The following CADPS variants were observed in gnomAD, a reference collection of about 807,000 sequenced individuals.
CADPS encodes calcium-dependent secretion activator 1.
A neutral mutation model predicts 167.3 loss-of-function variants in CADPS; 57 were observed. The ratio of observed to expected loss-of-function variants is 0.34; its 90% CI spans 0.28 to 0.42. The LOEUF is 0.42. Ranked by LOEUF, CADPS falls within the 20% of genes least tolerant of loss-of-function variation. CADPS has a pLI of 1.00. For missense variants in CADPS, 1,414 were observed against 1,738.1 expected (o/e 0.81, Z 3.32); for synonymous variants, 676 against 635.3 (o/e 1.06, Z -0.96).
intron 3 of CADPS, among the ~76,000 whole-genome samples, chr3:62,691,783 G>A (rs1184143578): frequency 2.0e-5 from 3 of 151,996 alleles, no homozygotes; most frequent in Non-Finnish European, 4.4e-5. Flanking sequence ...GTCGGTGTAT[G>A]GTCAGGGGAG....
intron 4 of CADPS, among the ~76,000 whole-genome samples, chr3:62,652,750 G>A (rs1425385114): frequency 1.3e-5 from 2 of 152,056 alleles, no homozygotes; most frequent in African/African-American, 4.8e-5. Context: ...AAAGAAAGAT[G>A]CTTTCTAGAG....
intron 6 of CADPS, among the ~76,000 whole-genome samples, chr3:62,639,056 C>G (rs2066893272): frequency 6.6e-6 from 1 of 152,164 alleles, no homozygotes; most frequent in Non-Finnish European, 1.5e-5. Context: ...CTCCAGCTCA[C>G]AAACACACAC....
At chr3:62,562,905 A>G (rs950253776) in intron 9 of CADPS, among the ~76,000 whole-genome samples, 3 of 152,240 alleles carry the variant, frequency 2.0e-5, no homozygotes, top group African/African-American at 4.8e-5. Flanking sequence ...CCTGTACTGG[A>G]ACAATTGTTA....
At chr3:62,816,485 A>C (rs1197908738) in intron 1 of CADPS, among the ~76,000 whole-genome samples, 3 of 152,166 alleles carry the variant, frequency 2.0e-5, no homozygotes, top group Non-Finnish European at 4.4e-5. Context: ...ACAACAACAA[A>C]AAAATCAATG....
At chr3:62,403,259 G>A (rs1364539615) in intron 28 of CADPS, 74 bp from the exon 29 acceptor site, 13 of 951,600 alleles carry the variant, frequency 1.4e-5, no homozygotes, top group Admixed American at 7.3e-5. Context: ...AGCAGGCAAT[G>A]TTTGAGTACC....
chr3:62,592,685 G>T lies in CADPS; in HGVS notation c.1389C>A (p.Phe463Leu), dbSNP rs1235935741. The T allele has an allele frequency of 6.2e-7, 1 of 1,614,100 alleles. No individual in the cohort carries two copies. Among genetic ancestry groups the T allele is most frequent in the African/African-American group, 1.3e-5 (1 of 75,048 alleles). ...HALPAVKVKL[F>L]TESTGVLALE... ...ACGCCAGGACGCCTGTGCTCTCTGTGAACAGCTTCACCTTCACAGCTGGCA... is the reference window on the plus strand; with the variant it reads ...ACGCCAGGACGCCTGTGCTCTCTGTTAACAGCTTCACCTTCACAGCTGGCA... Residue 463 changes from phenylalanine (F) to leucine (L), a missense_variant, in exon 7 of 30, where the codon TTC becomes TTA. By Grantham distance (22) the Phe-to-Leu change is conservative. Coordinates refer to ENST00000383710, the MANE Select transcript of CADPS (RefSeq NM_003716.4).
At chr3:62,603,359 A>G (rs939370437) in intron 6 of CADPS, among the ~76,000 whole-genome samples, 9 of 152,234 alleles carry the variant, frequency 5.9e-5, no homozygotes, top group Non-Finnish European at 1.2e-4. Flanking sequence ...ATTCCATGCT[A>G]TAAACTTCAT....
chr3:62,605,042 ACT>A (rs1484549097), intron 6 of CADPS, among the ~76,000 whole-genome samples: 1 of 152,140 alleles, frequency 6.6e-6, no homozygotes, highest in African/African-American at 2.4e-5. Context: ...TAACTGGGAG[ACT>A]CTGGCTAATT....
At chr3:62,590,507 G>A (rs2085716251) in intron 7 of CADPS, among the ~76,000 whole-genome samples, 1 of 152,064 alleles carries the variant, frequency 6.6e-6, no homozygotes. Flanking sequence ...CACTTTTCTG[G>A]GTAGGGACAC....
chr3:62,724,663 C>T (rs1473252244), intron 3 of CADPS, among the ~76,000 whole-genome samples: 1 of 152,200 alleles, frequency 6.6e-6, no homozygotes, highest in Non-Finnish European at 1.5e-5. Flanking sequence ...TTACCTTCCT[C>T]ATTTAGCAAT....
At chr3:62,674,341 C>A (rs1199168769) in intron 3 of CADPS, among the ~76,000 whole-genome samples, 1 of 152,148 alleles carries the variant, frequency 6.6e-6, no homozygotes, top group Admixed American at 6.6e-5. Context: ...TGCTTAATTT[C>A]CAGTCCCAGG....
At chr3:62,417,795 T>C (rs1022514055) in intron 28 of CADPS, among the ~76,000 whole-genome samples, 1 of 151,824 alleles carries the variant, frequency 6.6e-6, no homozygotes, top group African/African-American at 2.4e-5. Flanking sequence ...ATTGCACCAC[T>C]GCACTCCAGC....
intron 18 of CADPS, among the ~76,000 whole-genome samples, chr3:62,496,121 G>C (rs2064741697): frequency 6.7e-6 from 1 of 150,210 alleles, no homozygotes; most frequent in Admixed American, 6.6e-5. Flanking sequence ...ATGGTAGTGA[G>C]TACTGATCAG....
chr3:62,855,781 C>T (rs1284616391), intron 1 of CADPS, among the ~76,000 whole-genome samples: 1 of 152,052 alleles, frequency 6.6e-6, no homozygotes, highest in African/African-American at 2.4e-5. Context: ...CCTTAACACA[C>T]AGCATATCTG....
intron 24 of CADPS, among the ~76,000 whole-genome samples, chr3:62,472,599 T>C (rs571638237): frequency 4.8e-4 from 73 of 152,204 alleles, no homozygotes; most frequent in Non-Finnish European, 5.6e-4. Flanking sequence ...GGCCCCCTCC[T>C]CCCCTCTCCA....
At chr3:62,571,891 G>T (rs572728899) in intron 8 of CADPS, among the ~76,000 whole-genome samples, 2 of 152,126 alleles carry the variant, frequency 1.3e-5, no homozygotes, top group East Asian at 1.9e-4. Context: ...ATCAATTCAT[G>T]TATTATCCTA....
intron 1 of CADPS, chr3:62,779,510 C>A: frequency 3.7e-6 from 2 of 538,530 alleles, no homozygotes; most frequent in South Asian, 1.4e-5. Flanking sequence ...TGGCTTCAAT[C>A]TTCTTGGCCC....
intron 1 of CADPS, among the ~76,000 whole-genome samples, chr3:62,868,687 G>C (rs1298437868): frequency 1.3e-5 from 2 of 152,084 alleles, no homozygotes; most frequent in Non-Finnish European, 2.9e-5. Flanking sequence ...TGAAGATTTA[G>C]AGAGCTGGAC....
At chr3:62,491,296 A>G (rs142767441) in intron 21 of CADPS, 43 bp downstream of exon 21, 3 of 1,603,496 alleles carry the variant, frequency 1.9e-6, no homozygotes, top group African/African-American at 1.3e-5. Flanking sequence ...CTCTCCAGCC[A>G]TTTGTACCCA....
Sources: gnomAD v4.1 joint callset for allele counts (sites outside exome capture counted in the v4.1 genomes callset) on GRCh38, gnomAD v4.1.1 for gene constraint, MANE v1.5 for transcripts, NCBI Gene and HGNC (gene_info 2026-07-23, HGNC 2026-07-21) for gene names.